Variants in CLDN14 observed in about 807,000 individuals in gnomAD.
CLDN14 encodes claudin 14.
A neutral mutation model predicts 2.1 loss-of-function variants in CLDN14; 2 were observed. The ratio of observed to expected loss-of-function variants is 0.96; its 90% CI spans 0.39 to 3.01. The LOEUF is 3.01. Ranked by LOEUF, CLDN14 falls within the 30% of genes most tolerant of loss-of-function variation. CLDN14 has a pLI of 0.09. For missense variants in CLDN14, 298 were observed against 328.0 expected (o/e 0.91, Z 0.71); for synonymous variants, 136 against 154.4 (o/e 0.88, Z 0.88).
rs549938800 is a variant in CLDN14 at position 36,461,252 on chromosome 21, G to A, written c.444C>T (p.Tyr148=). The change falls in exon 2 of 2, where the codon TAC becomes TAT. Residue 148 remains tyrosine (Y), a synonymous_variant. Transcript: ENST00000399135. Reference sequence around the variant, plus strand: ...TCATGCCGCTGGGCAGCAGCGGGTTGTAGAAGTTCTGCACCACGTCGTTGG... The same window carrying A: ...TCATGCCGCTGGGCAGCAGCGGGTTATAGAAGTTCTGCACCACGTCGTTGG... ...WTTNDVVQNF[Y]NPLLPSGMKF... 11 of 1,613,980 alleles carry A rather than the reference G, an allele frequency of 6.8e-6. No homozygotes were observed. Among genetic ancestry groups the A allele is most frequent in the Admixed American group, 5.0e-5 (3 of 60,026 alleles).
At chr21:36,505,863 C>T (rs1212378728) in intron 2 of CLDN14, among the ~76,000 whole-genome samples, 2 of 152,206 alleles carry the variant, frequency 1.3e-5, no homozygotes, top group Non-Finnish European at 2.9e-5. Flanking sequence ...GCACTGTGGA[C>T]TTCCATTTAT....
chr21:36,554,491 G>T (rs907106740), intron 1 of CLDN14, among the ~76,000 whole-genome samples: 3 of 152,190 alleles, frequency 2.0e-5, no homozygotes, highest in African/African-American at 7.2e-5. Flanking sequence ...AAGCTTAGTC[G>T]GGTCAGGCCC....
intron 1 of CLDN14, among the ~76,000 whole-genome samples, chr21:36,552,335 C>G (rs747151138): frequency 1.4e-4 from 22 of 152,256 alleles, no homozygotes; most frequent in Non-Finnish European, 3.2e-4. Context: ...CCTATCTTAA[C>G]AGACAAGTGG....
chr21:36,549,131 G>A (rs1347158724), intron 1 of CLDN14, among the ~76,000 whole-genome samples: 1 of 151,486 alleles, frequency 6.6e-6, no homozygotes, highest in Non-Finnish European at 1.5e-5. Context: ...TGACACAGAC[G>A]ATTCATAGCT....
At chr21:36,550,625 C>A (rs374531728) in intron 1 of CLDN14, among the ~76,000 whole-genome samples, 1 of 152,218 alleles carries the variant, frequency 6.6e-6, no homozygotes, top group Non-Finnish European at 1.5e-5. Flanking sequence ...GGATCACATG[C>A]TCCCAGTCCC....
chr21:36,461,106 G>A lies in CLDN14; in HGVS notation c.590C>T (p.Pro197Leu), dbSNP rs374682296. 2.4e-5 allele frequency: 39 copies of A among 1,614,048 alleles called. No individual in the cohort carries two copies. Among genetic ancestry groups the A allele is most frequent in the East Asian group, 1.8e-4 (8 of 44,884 alleles). Residue 197 changes from proline to leucine, a missense_variant, in exon 2 of 2, where the codon CCG becomes CTG. Pro to Leu is a moderately conservative substitution (Grantham distance 98). Coordinates refer to ENST00000399135, the MANE Select transcript of CLDN14 (RefSeq NM_001146079.2). Reference protein sequence around the residue: ...DEAPYRPYQAPPRATTTTANT... With the variant: ...DEAPYRPYQALPRATTTTANT... ...TGCAGTGGTCGTGGTGGCCCTGGGCGGGGCCTGGTAGGGCCTGTAGGGTGC... is the reference window on the plus strand; with the variant it reads ...TGCAGTGGTCGTGGTGGCCCTGGGCAGGGCCTGGTAGGGCCTGTAGGGTGC...
intron 2 of CLDN14, among the ~76,000 whole-genome samples, chr21:36,493,147 T>C (rs2086985563): frequency 6.6e-6 from 1 of 151,582 alleles, no homozygotes; most frequent in African/African-American, 2.4e-5. Context: ...GGGGAGGAGG[T>C]CGAGCCTCCT....
In CLDN14 at chr21:36,492,993, G is replaced by A. The variant is rs564177313; in HGVS notation, c.-82+17370C>T. ...CCACTGTGTCTTTGTGGGGAGAGACGAGTCAGACAAGATCGCAAAGAAGCA... is the reference window on the plus strand; with the variant it reads ...CCACTGTGTCTTTGTGGGGAGAGACAAGTCAGACAAGATCGCAAAGAAGCA... On this transcript the variant is annotated intron_variant, in intron 2 of 2. Transcript: ENST00000342108. 1.4e-4 allele frequency among the ~76,000 whole-genome samples: 21 copies of A among 152,332 alleles called. 1 individual carries two copies. The East Asian group carries it at 3.5e-3, about 25-fold the overall frequency.
intron 2 of CLDN14, chr21:36,486,706 C>T: frequency 7.9e-7 from 1 of 1,263,670 alleles, no homozygotes; most frequent in Admixed American, 1.7e-5. Flanking sequence ...CTTTCTCCTT[C>T]TTGAGGAATT....
intron 2 of CLDN14, among the ~76,000 whole-genome samples, chr21:36,500,877 C>G (rs1449430534): frequency 6.6e-6 from 1 of 152,240 alleles, no homozygotes; most frequent in Non-Finnish European, 1.5e-5. Context: ...TTTAATAAGA[C>G]TTGCTATCAC....
chr21:36,547,395 G>T (rs565859656), intron 1 of CLDN14, among the ~76,000 whole-genome samples: 10 of 152,236 alleles, frequency 6.6e-5, no homozygotes, highest in Admixed American at 6.5e-4. Context: ...TGTTTTCAAA[G>T]GATCTGAAAA....
chr21:36,531,485 G>A (rs992294958), intron 1 of CLDN14, among the ~76,000 whole-genome samples: 2 of 151,438 alleles, frequency 1.3e-5, no homozygotes. Flanking sequence ...GGCTGGTCTC[G>A]AACTCCTGAC....
chr21:36,525,019 C>T (rs74672509), intron 1 of CLDN14, among the ~76,000 whole-genome samples: 4 of 152,256 alleles, frequency 2.6e-5, no homozygotes, highest in East Asian at 1.9e-4. Context: ...TTCTCATGGG[C>T]GCTGCTCCGA....
intron 1 of CLDN14, among the ~76,000 whole-genome samples, chr21:36,541,629 A>G (rs1393745930): frequency 6.6e-6 from 1 of 152,236 alleles, no homozygotes; most frequent in Non-Finnish European, 1.5e-5. Flanking sequence ...CCAATGATCA[A>G]TATAGTGGAA....
chr21:36,486,586 T>G (rs2086899629), intron 2 of CLDN14: 1 of 1,552,698 alleles, frequency 6.4e-7, no homozygotes, highest in African/African-American at 1.4e-5. Flanking sequence ...CAGGAGGCAC[T>G]GCCACCAGAT....
At chr21:36,565,135 C>T (rs1258817377) in intron 1 of CLDN14, among the ~76,000 whole-genome samples, 2 of 152,212 alleles carry the variant, frequency 1.3e-5, no homozygotes, top group Non-Finnish European at 2.9e-5. Flanking sequence ...CTCTGATTGA[C>T]ACAAGTTACA....
chr21:36,498,000 G>A (rs1601612290), intron 2 of CLDN14, among the ~76,000 whole-genome samples: 2 of 151,206 alleles, frequency 1.3e-5, no homozygotes, highest in Admixed American at 6.6e-5. Context: ...GCGAGAGGAA[G>A]ATGCTTTTTT....
intron 1 of CLDN14, among the ~76,000 whole-genome samples, chr21:36,474,597 A>G (rs1344336976): frequency 6.6e-6 from 1 of 152,218 alleles, no homozygotes; most frequent in Non-Finnish European, 1.5e-5. Context: ...AAGGAATCCC[A>G]GGCAATCCCC....
chr21:36,563,001 G>A (rs1043537866), intron 1 of CLDN14, among the ~76,000 whole-genome samples: 2 of 152,066 alleles, frequency 1.3e-5, no homozygotes, highest in African/African-American at 2.4e-5. Flanking sequence ...ACATGAACTT[G>A]GGTGCTGCAA....
Sources: allele counts gnomAD v4.1 joint callset (sites outside exome capture counted in the v4.1 genomes callset), GRCh38; gene constraint gnomAD v4.1.1; transcripts MANE v1.5; gene names NCBI Gene and HGNC (gene_info 2026-07-23, HGNC 2026-07-21).